SMYD3: variants seen among roughly 807,000 people sequenced by gnomAD.
SMYD3 encodes SET and MYND domain containing 3.
SMYD3 carries 36 observed loss-of-function variants against 57.7 expected under a neutral mutation model. The observed-to-expected ratio is 0.62, with a 90% CI of 0.48 to 0.82. The LOEUF (loss-of-function observed/expected upper bound fraction) is 0.82. Among genes scored for constraint, SMYD3 ranks in the 40% least tolerant of loss-of-function variants. The probability of loss-of-function intolerance (pLI) is 0.00; values close to 1 mark genes in which losing one functional copy is unlikely to be tolerated. For synonymous variants in SMYD3, 211 were observed against 195.0 expected (o/e 1.08, Z -0.68); for missense variants, 515 against 538.8 (o/e 0.96, Z 0.44).
intron 5 of SMYD3, among the ~76,000 whole-genome samples, chr1:246,315,139 T>C (rs2065136587): frequency 6.6e-6 from 1 of 152,188 alleles, no homozygotes; most frequent in East Asian, 1.9e-4. Flanking sequence ...AAGGCTATGG[T>C]ATCAGAGAGT....
At chr1:245,897,863 C>T (rs2053927473) in intron 8 of SMYD3, among the ~76,000 whole-genome samples, 1 of 151,512 alleles carries the variant, frequency 6.6e-6, no homozygotes, top group South Asian at 2.1e-4. Flanking sequence ...TGTGCCACTG[C>T]ACTGCAGCCT....
intron 5 of SMYD3, chr1:246,325,835 T>C (rs1413895391): frequency 6.6e-6 from 1 of 152,262 alleles, no homozygotes; most frequent in East Asian, 1.9e-4. Context: ...GGTATATTTT[T>C]ATCTTTCAGT....
At chr1:245,861,866 C>T (rs1438608515) in intron 9 of SMYD3, among the ~76,000 whole-genome samples, 1 of 97,508 alleles carries the variant, frequency 1.0e-5, no homozygotes, top group East Asian at 2.0e-4. Flanking sequence ...GAGTGCAGGG[C>T]TGTGTCTTCT....
chr1:246,091,047 T>C (rs1197715823), intron 5 of SMYD3, among the ~76,000 whole-genome samples: 1 of 152,120 alleles, frequency 6.6e-6, no homozygotes, highest in Non-Finnish European at 1.5e-5. Flanking sequence ...GGCCTAAATG[T>C]TAGAACCATA....
At chr1:246,068,569 C>T (rs1001406942) in intron 5 of SMYD3, among the ~76,000 whole-genome samples, 6 of 152,142 alleles carry the variant, frequency 3.9e-5, no homozygotes, top group Non-Finnish European at 8.8e-5. Flanking sequence ...AACATAGAGA[C>T]GGAGCGCAGG....
At chr1:246,078,104 A>G (rs28642395) in intron 5 of SMYD3, among the ~76,000 whole-genome samples, 4,629 of 152,210 alleles carry the variant, frequency 0.03, 91 homozygotes, top group South Asian at 0.043. Flanking sequence ...CTCTTACTGT[A>G]AAATGTCAGA....
intron 5 of SMYD3, among the ~76,000 whole-genome samples, chr1:246,065,674 G>GT (rs1185218656): frequency 6.6e-6 from 1 of 152,164 alleles, no homozygotes; most frequent in Non-Finnish European, 1.5e-5. Flanking sequence ...CTGAAACACT[G>GT]TTATCACCAA....
In SMYD3 at chr1:245,927,995, G is replaced by T; in HGVS notation, c.638C>A (p.Ser213Ter). The change falls in exon 7 of 12, where the codon TCG becomes TAG. Residue 213 changes from serine (S) to a stop codon, truncating the protein, a stop_gained. Transcript: ENST00000490107. LOFTEE classifies it high-confidence loss of function. ...GAGGTGGGGCCCATTGAACACAATC[G>T]AACAGTTGGGGTCACAGCTGTGATT... The part of the protein sequence containing the change: ...LLNHSCDPNC[S>*]IVFNGPHLLL... 2 of 1,612,478 alleles carry T rather than the reference G, an allele frequency of 1.2e-6. No homozygotes were observed. Among genetic ancestry groups the T allele is most frequent in the South Asian group, 1.1e-5 (1 of 90,998 alleles).
intron 11 of SMYD3, among the ~76,000 whole-genome samples, chr1:245,751,119 A>G (rs2045329375): frequency 6.6e-6 from 1 of 152,234 alleles, no homozygotes; most frequent in African/African-American, 2.4e-5. Context: ...AATGAATGCC[A>G]TCATGCTTAT....
chr1:246,082,878 G>T (rs968194314), intron 5 of SMYD3, among the ~76,000 whole-genome samples: 9 of 151,584 alleles, frequency 5.9e-5, no homozygotes, highest in African/African-American at 2.2e-4. Context: ...GATTAAGGGC[G>T]GTGCAAGATG....
At chr1:246,067,608 C>CCCCACAG (rs748274427) in intron 5 of SMYD3, among the ~76,000 whole-genome samples, 11 of 152,118 alleles carry the variant, frequency 7.2e-5, no homozygotes, top group Non-Finnish European at 1.3e-4. Flanking sequence ...ACTAATGCCC[C>CCCCACAG]CCCACAGCCC....
In SMYD3 at chr1:246,203,873, T is replaced by TGGAA. The variant is rs2062956418; in HGVS notation, c.531+123327_531+123328insTTCC. On this transcript the variant is annotated intron_variant, in intron 5 of 11. Transcript: ENST00000490107. The surrounding 1 kb of genome is among the most constrained non-coding windows in gnomAD (Gnocchi z 4.6). ...AACAACCCACTCCTAGTCCAGATCT[T>TGGAA]CCCCCTGTCCTATCTAGCTGCTTCC... Among the ~76,000 whole-genome samples the TGGAA allele has an allele frequency of 6.6e-6, 1 of 152,138 alleles. No individual in the cohort carries two copies. The highest frequency in any genetic ancestry group is 1.5e-5 in the Non-Finnish European group (1 of 68,024).
At chr1:246,470,083 T>C (rs972184481) in intron 1 of SMYD3, among the ~76,000 whole-genome samples, 2 of 152,240 alleles carry the variant, frequency 1.3e-5, no homozygotes, top group Non-Finnish European at 1.5e-5. Context: ...TTTTTTATTC[T>C]ATAAAATAAC....
At chr1:246,091,841 A>T (rs1427189212) in intron 5 of SMYD3, among the ~76,000 whole-genome samples, 1 of 152,182 alleles carries the variant, frequency 6.6e-6, no homozygotes, top group Non-Finnish European at 1.5e-5. Flanking sequence ...TTAAACTCAA[A>T]GGTTTTTTAT....
intron 5 of SMYD3, among the ~76,000 whole-genome samples, chr1:246,157,766 T>A (rs2062045305): frequency 6.6e-6 from 1 of 152,244 alleles, no homozygotes; most frequent in Non-Finnish European, 1.5e-5. Flanking sequence ...GCGTTGAGAA[T>A]CTGCAAACCA....
intron 1 of SMYD3, among the ~76,000 whole-genome samples, chr1:246,382,715 G>A (rs894747622): frequency 2.7e-5 from 4 of 150,662 alleles, no homozygotes; most frequent in Admixed American, 2.0e-4. Context: ...ATCCAGACAG[G>A]TCCCCACAGG....
Position 246,250,684 on chromosome 1 carries a change from A to C in SMYD3, c.531+76517T>G, listed in dbSNP as rs1311357540. 3.3e-5 allele frequency among the ~76,000 whole-genome samples: 5 copies of C among 152,326 alleles called. No homozygotes were observed. The East Asian group carries it at 9.6e-4, about 29-fold the overall frequency. The stretch of plus-strand genomic sequence containing the variant: ...TGTATTTAGAACTCTATCAAACAAA[A>C]CAAGAAAAAAATTACTTTGACGTAC... On this transcript the variant is annotated intron_variant, in intron 5 of 11. Transcript: ENST00000490107.
intron 1 of SMYD3, among the ~76,000 whole-genome samples, chr1:246,416,704 G>A (rs1049168628): frequency 2.6e-5 from 4 of 152,020 alleles, no homozygotes; most frequent in African/African-American, 9.6e-5. Context: ...ATGATATCCT[G>A]AAGTATGGTG....
rs201294502 is a variant in SMYD3 at position 246,445,241 on chromosome 1, CCTTA to C, written c.164+61809_164+61812del. Among the ~76,000 whole-genome samples the C allele has an allele frequency of 4.1e-3, 630 of 152,274 alleles. 2 individuals are homozygous for C. The highest frequency in any genetic ancestry group is 0.014 in the African/African-American group (595 of 41,558). On this transcript the variant is annotated intron_variant, in intron 1 of 11. Transcript: ENST00000490107. ...CAAACAATCTAATTGCTAAGCCTGT[CCTTA>C]CTGTCAAATTAATAAATCAAATAAA... is the stretch of plus-strand genomic sequence containing the variant.
Sources: allele counts gnomAD v4.1 joint callset (sites outside exome capture counted in the v4.1 genomes callset), GRCh38; gene constraint gnomAD v4.1.1; non-coding constraint Gnocchi (gnomAD v3.1); transcripts MANE v1.5; gene names NCBI Gene and HGNC (gene_info 2026-07-23, HGNC 2026-07-21).